CD2AP: variants seen among roughly 807,000 people sequenced by gnomAD.
The protein encoded by CD2AP is CD2 associated protein, also known as CD2-associated protein.
A neutral mutation model predicts 85.1 loss-of-function variants in CD2AP; 46 were observed. That is an observed-to-expected ratio of 0.54 (90% CI 0.43 to 0.69). CD2AP has a LOEUF of 0.69. CD2AP is among the 30% of genes least tolerant of loss of function. CD2AP has a pLI of 0.00. For missense variants in CD2AP, 769 were observed against 729.5 expected, an observed-to-expected ratio of 1.05 and a Z score of -0.62; for synonymous variants, 255 against 252.9, an observed-to-expected ratio of 1.01 and a Z score of -0.08.
rs371293071 is a variant in CD2AP, at chr6:47,533,687, G to A, written c.251G>A (p.Arg84Gln). 61 of 1,613,922 alleles carry A rather than the reference G, an allele frequency of 3.8e-5. 1 individual carries two copies. The African/African-American group carries it at 4.7e-4, about 12-fold the overall frequency. Residue 84 changes from arginine (R) to glutamine (Q), a missense_variant, in exon 3 of 18, where the codon CGA (arginine) becomes CAA (glutamine). Transcript: ENST00000359314. ...RHGNVASLVQ[R>Q]ISTYGLPAGG... ...GGGAATGTAGCAAGTCTTGTACAAC[G>A]AATAAGCACCTATGGACTTCCAGCT... is the stretch of plus-strand genomic sequence containing the variant.
chr6:47,498,737 T>A (rs1202093058), intron 1 of CD2AP, among the ~76,000 whole-genome samples: 1 of 152,222 alleles, frequency 6.6e-6, no homozygotes, highest in Non-Finnish European at 1.5e-5. Context: ...TTTTAGAAAC[T>A]TTACATCTCT....
At position 47,501,839 on chromosome 6, in the gene CD2AP, G is replaced by T. The variant is rs566358005; in HGVS notation, c.5-1441G>T. Among the ~76,000 whole-genome samples the T allele has an allele frequency of 5.9e-5, 9 of 152,262 alleles. 2 individuals are homozygous for T. The South Asian group carries it at 1.9e-3, about 32-fold the overall frequency. ...ATGTGATCCTATAATCTAAAATCCT[G>T]TTATTAAAAGAGGTAAAATAAATAC... On this transcript the variant is annotated intron_variant, in intron 1 of 17. Coordinates refer to ENST00000359314, the MANE Select transcript of CD2AP (RefSeq NM_012120.3).
intron 1 of CD2AP, among the ~76,000 whole-genome samples, chr6:47,497,178 A>G (rs980332717): frequency 4.0e-5 from 6 of 151,886 alleles, no homozygotes; most frequent in African/African-American, 1.5e-4. Flanking sequence ...CAAGTAGTAC[A>G]TATGATTATA....
chr6:47,521,968 T>A (rs1182547744), intron 2 of CD2AP, among the ~76,000 whole-genome samples: 1 of 151,868 alleles, frequency 6.6e-6, no homozygotes, highest in African/African-American at 2.4e-5. Context: ...TGAGCCGAGA[T>A]CATGCCATTG....
At chr6:47,575,074 T>C (rs528545988) in intron 6 of CD2AP, among the ~76,000 whole-genome samples, 1 of 152,354 alleles carries the variant, frequency 6.6e-6, no homozygotes, top group Non-Finnish European at 1.5e-5. Context: ...CCTAACTTGC[T>C]ACGTATTTTC....
chr6:47,491,186 C>G (rs1403456534), intron 1 of CD2AP, among the ~76,000 whole-genome samples: 1 of 151,244 alleles, frequency 6.6e-6, no homozygotes, highest in Non-Finnish European at 1.5e-5. Flanking sequence ...TATGGTAAAG[C>G]CTTTTTGTTT....
chr6:47,554,734 A>G lies in CD2AP; in HGVS notation c.509A>G (p.Asp170Gly), dbSNP rs1767632145. 1 of 1,613,490 alleles carries G rather than the reference A, an allele frequency of 6.2e-7. No homozygotes were observed. The highest frequency in any genetic ancestry group is 8.5e-7 in the Non-Finnish European group (1 of 1,179,692). Residue 170 changes from aspartate (D) to glycine (G), a missense_variant, in exon 5 of 18, where the codon GAT becomes GGT. By Grantham distance (94) the Asp-to-Gly change is moderately conservative. Transcript: ENST00000359314. ...GTGAAAGAATTAGAGGTAACAGATG[A>G]TGGTGAAACTCATGAAGCCCAGGAC... is the stretch of plus-strand genomic sequence containing the variant. ...NFVKELEVTD[D>G]GETHEAQDDS...
intron 17 of CD2AP, among the ~76,000 whole-genome samples, chr6:47,622,243 A>T (rs968676515): frequency 6.6e-5 from 10 of 152,076 alleles, no homozygotes; most frequent in Non-Finnish European, 1.2e-4. Flanking sequence ...TGGGCTTGAA[A>T]ACTTGCCCCA....
chr6:47,582,266 A>T, intron 11 of CD2AP: 1 of 502,948 alleles, frequency 2.0e-6, no homozygotes, highest in East Asian at 3.5e-5. Context: ...AAATTAAACT[A>T]TTCAGTAGGA....
At chr6:47,576,923 A>G in intron 7 of CD2AP, 86 bp from the exon 8 acceptor site, 3 of 808,576 alleles carry the variant, frequency 3.7e-6, no homozygotes, top group East Asian at 2.4e-5. Flanking sequence ...AACTTTTAGT[A>G]TACTTTACAC....
At chr6:47,584,779 A>G (rs1326141731) in intron 11 of CD2AP, among the ~76,000 whole-genome samples, 1 of 152,162 alleles carries the variant, frequency 6.6e-6, no homozygotes, top group African/African-American at 2.4e-5. Context: ...CTAGTTAGGT[A>G]GGAGTCTTAG....
intron 2 of CD2AP, among the ~76,000 whole-genome samples, chr6:47,513,279 C>T (rs1766366802): frequency 6.6e-6 from 1 of 152,034 alleles, no homozygotes; most frequent in Non-Finnish European, 1.5e-5. Flanking sequence ...CATAAGCCAA[C>T]CAACATTCCC....
chr6:47,479,101 C>A (rs1192959750), intron 1 of CD2AP, among the ~76,000 whole-genome samples: 1 of 152,118 alleles, frequency 6.6e-6, no homozygotes, highest in Non-Finnish European at 1.5e-5. Context: ...CTCCCTCAAT[C>A]CTTTAAAAAT....
chr6:47,577,968 TATAGG>T (rs965797158), intron 8 of CD2AP, among the ~76,000 whole-genome samples: 1 of 152,160 alleles, frequency 6.6e-6, no homozygotes, highest in Admixed American at 6.5e-5. Context: ...ATAATGATGT[TATAGG>T]ATACGTAGTA....
intron 1 of CD2AP, among the ~76,000 whole-genome samples, chr6:47,500,822 C>T (rs1310664618): frequency 6.6e-6 from 1 of 151,694 alleles, no homozygotes; most frequent in Non-Finnish European, 1.5e-5. Flanking sequence ...TCTTGGCTCA[C>T]TGCAACCTCC....
At chr6:47,557,391 G>A (rs1247721501) in intron 5 of CD2AP, among the ~76,000 whole-genome samples, 2 of 152,164 alleles carry the variant, frequency 1.3e-5, no homozygotes, top group East Asian at 1.9e-4. Context: ...TAGTCATGAA[G>A]TCTTTGCCCA....
chr6:47,596,490 CTT>C (rs1768952230), intron 12 of CD2AP, among the ~76,000 whole-genome samples: 1 of 152,070 alleles, frequency 6.6e-6, no homozygotes, highest in Admixed American at 6.6e-5. Context: ...CTTTTTTAGA[CTT>C]CACATTTGAG....
chr6:47,510,702 T>C (rs139826857), intron 2 of CD2AP, among the ~76,000 whole-genome samples: 1 of 152,270 alleles, frequency 6.6e-6, no homozygotes, highest in Admixed American at 6.5e-5. Context: ...TTCCAAGTGA[T>C]AATTCTAAAT....
At chr6:47,622,854 C>T (rs935722049) in intron 17 of CD2AP, among the ~76,000 whole-genome samples, 6 of 152,278 alleles carry the variant, frequency 3.9e-5, no homozygotes, top group Middle Eastern at 3.4e-3. Context: ...GCCTCCTGTC[C>T]GCCATGATGA....
Sources: allele counts gnomAD v4.1 joint callset (sites outside exome capture counted in the v4.1 genomes callset), GRCh38; gene constraint gnomAD v4.1.1; transcripts MANE v1.5; gene names NCBI Gene and HGNC (gene_info 2026-07-23, HGNC 2026-07-21).